Variants in TMEM130 observed in about 807,000 individuals in gnomAD.
The protein encoded by TMEM130 is transmembrane protein 130.
In TMEM130, 37 loss-of-function variants were observed where a neutral mutation model predicts 42.9. The ratio of observed to expected loss-of-function variants is 0.86; its 90% confidence interval spans 0.66 to 1.13. The LOEUF is 1.13. TMEM130 is among the 50% of genes most tolerant of loss of function. The pLI is 0.00. For synonymous variants in TMEM130, 259 were observed against 237.7 expected, an observed-to-expected ratio of 1.09 and a Z score of -0.82; for missense variants, 545 against 562.6, an observed-to-expected ratio of 0.97 and a Z score of 0.32.
chr7:98,867,246 G>A (rs1170741979), intron 1 of TMEM130, among the ~76,000 whole-genome samples: 3 of 152,104 alleles, frequency 2.0e-5, no homozygotes, highest in East Asian at 3.9e-4. Flanking sequence ...GCTTTTCCAC[G>A]CAAACAGAGT....
intron 1 of TMEM130, among the ~76,000 whole-genome samples, chr7:98,868,481 G>C (rs60914761): frequency 0.016 from 2,440 of 152,300 alleles, 51 homozygotes; most frequent in African/African-American, 0.041. Context: ...CTTTCACACA[G>C]AATATGCAGA....
In TMEM130 at chr7:98,847,969, C is replaced by G. The variant is rs1169394557; in HGVS notation, c.*87G>C. On this transcript the variant is annotated 3_prime_UTR_variant, in exon 8 of 8. Coordinates refer to ENST00000339375, the MANE Select transcript of TMEM130 (RefSeq NM_152913.3). ...GCCAACAGCCCCACGCAAATGAACC[C>G]CTCCTGGTCAGTGGTGCACACCACC... The G allele has an allele frequency of 8.2e-6, 11 of 1,340,234 alleles. No individual in the cohort carries two copies. Among genetic ancestry groups the G allele is most frequent in the Admixed American group, 3.9e-5 (2 of 50,890 alleles). The allele number at this position is 1,340,234 out of a possible 1,614,324, so 83.0% of individuals were successfully genotyped here.
intron 3 of TMEM130, 77 bp downstream of exon 3, chr7:98,860,102 C>T (rs1229486735): frequency 2.4e-6 from 3 of 1,270,070 alleles, no homozygotes; most frequent in Non-Finnish European, 2.1e-6. Context: ...TGAAGAGATT[C>T]GGAGTACCCT....
At chr7:98,850,173 C>T (rs1404655678) in intron 6 of TMEM130, among the ~76,000 whole-genome samples, 9 of 147,920 alleles carry the variant, frequency 6.1e-5, no homozygotes, top group African/African-American at 1.5e-4. Context: ...ATCAGCTTCC[C>T]GAGTAGCATA....
At chr7:98,858,378 A>G (rs907063037) in intron 3 of TMEM130, among the ~76,000 whole-genome samples, 2 of 151,874 alleles carry the variant, frequency 1.3e-5, no homozygotes, top group Admixed American at 1.3e-4. Context: ...CCATCTCTAC[A>G]AAACATTTTA....
chr7:98,859,032 A>C (rs1794695669), intron 3 of TMEM130, among the ~76,000 whole-genome samples: 1 of 146,236 alleles, frequency 6.8e-6, no homozygotes, highest in African/African-American at 2.5e-5. Context: ...GAAGGAAGGA[A>C]GGAAGAAAGG....
intron 5 of TMEM130, among the ~76,000 whole-genome samples, chr7:98,854,240 T>A (rs781784833): frequency 6.6e-6 from 1 of 151,928 alleles, no homozygotes; most frequent in Non-Finnish European, 1.5e-5. Flanking sequence ...TCCAAGGGGC[T>A]TAGAAGAATA....
chr7:98,853,890 T>G (rs1307932101), intron 5 of TMEM130, among the ~76,000 whole-genome samples: 1 of 152,204 alleles, frequency 6.6e-6, no homozygotes, highest in Admixed American at 6.5e-5. Flanking sequence ...CACAGAATCC[T>G]TGGAAATCTT....
chr7:98,858,892 G>A lies in TMEM130; in HGVS notation c.551+1287C>T, dbSNP rs1011536991. ...GAAATCCACATTCTGAGTTTTGCTG[G>A]GCACAGTGGCTCACCCCTGTAATCC... is the stretch of plus-strand genomic sequence containing the variant. On this transcript the variant is annotated intron_variant, in intron 3 of 7. Transcript: ENST00000339375. Among the ~76,000 whole-genome samples, 3 of 150,376 alleles carry A rather than the reference G, an allele frequency of 2.0e-5. No homozygotes were observed. The South Asian group carries it at 6.4e-4, about 32-fold the overall frequency.
chr7:98,860,723 T>C (rs1794752269), intron 2 of TMEM130, among the ~76,000 whole-genome samples: 1 of 151,590 alleles, frequency 6.6e-6, no homozygotes, highest in Non-Finnish European at 1.5e-5. Context: ...GGTTGGTGGA[T>C]CACAAGGTCA....
At chr7:98,859,513 AC>A (rs1349190197) in intron 3 of TMEM130, among the ~76,000 whole-genome samples, 2 of 151,944 alleles carry the variant, frequency 1.3e-5, no homozygotes, top group Non-Finnish European at 2.9e-5. Context: ...GTTCTCCGGG[AC>A]CCCCAGTCGT....
At chr7:98,851,987 C>T (rs1794518725) in intron 5 of TMEM130, among the ~76,000 whole-genome samples, 1 of 152,152 alleles carries the variant, frequency 6.6e-6, no homozygotes, top group Non-Finnish European at 1.5e-5. Context: ...CACTCTATTA[C>T]CCAGGCTGAA....
chr7:98,863,149 C>T lies in TMEM130; in HGVS notation c.337G>A (p.Asp113Asn), dbSNP rs1554400082. The change falls in exon 2 of 8, where the codon GAC becomes AAC. Residue 113 changes from aspartate (D) to asparagine (N), a missense_variant. Asp to Asn is a conservative substitution (Grantham distance 23). Coordinates refer to ENST00000339375, the MANE Select transcript of TMEM130 (RefSeq NM_152913.3). ...FPVSVWVTAA[D>N]CWMCQPVARG... ...GCCACAGGCTGGCACATCCAGCAGT[C>T]AGCGGCAGTGACCCAGACAGAGACC... is the stretch of plus-strand genomic sequence containing the variant. 3 of 1,614,056 alleles carry T rather than the reference C, an allele frequency of 1.9e-6. No homozygotes were observed. Among genetic ancestry groups the T allele is most frequent in the South Asian group, 1.1e-5 (1 of 91,082 alleles).
At chr7:98,850,274 T>TATATATATATATA (rs1491493786) in intron 6 of TMEM130, among the ~76,000 whole-genome samples, 6 of 31,220 alleles carry the variant, frequency 1.9e-4, no homozygotes, top group African/African-American at 4.7e-4. Flanking sequence ...TATATATATA[T>TATATATATATATA]TTTTTTTTTT....
At chr7:98,866,431 C>T (rs1230289534) in intron 1 of TMEM130, 1 of 152,258 alleles carries the variant, frequency 6.6e-6, no homozygotes, top group African/African-American at 2.4e-5. Context: ...ATCCCGTGTT[C>T]CCTGGGGGCT....
At position 98,857,723 on chromosome 7, in the gene TMEM130, CTT is replaced by C. The variant is rs781912154; in HGVS notation, c.552-1542_552-1541del. ...TCAAAAACAGAAACAAAAACACATC[CTT>C]TTTTTTTTTTTTTTTTTGAGAGGGA... On this transcript the variant is annotated intron_variant, in intron 3 of 7. Coordinates refer to ENST00000339375, the MANE Select transcript of TMEM130 (RefSeq NM_152913.3). Among the ~76,000 whole-genome samples, 387 of 82,228 alleles carry C rather than the reference CTT, an allele frequency of 4.7e-3. 2 individuals are homozygous for C. Among genetic ancestry groups the C allele is most frequent in the African/African-American group, 0.011 (220 of 20,812 alleles). 53.9% of individuals were successfully genotyped at this position (82,228 alleles called of 152,430 possible).
At chr7:98,867,906 A>G (rs1329589650) in intron 1 of TMEM130, among the ~76,000 whole-genome samples, 1 of 152,184 alleles carries the variant, frequency 6.6e-6, no homozygotes, top group Admixed American at 6.5e-5. Context: ...GAAGGAACCA[A>G]TCACAGGGCC....
intron 4 of TMEM130, 97 bp downstream of exon 4, chr7:98,855,920 G>A: frequency 1.4e-6 from 2 of 1,385,040 alleles, no homozygotes; most frequent in Non-Finnish European, 1.9e-6. Context: ...GGCTCCAGAA[G>A]ACAGGGCGTG....
At chr7:98,849,308 C>A (rs1554397872) in intron 6 of TMEM130, among the ~76,000 whole-genome samples, 2 of 152,132 alleles carry the variant, frequency 1.3e-5, no homozygotes, top group Admixed American at 1.3e-4. Flanking sequence ...TGCAAGACTG[C>A]TAAGGAGATG....
Sources: gnomAD v4.1 joint callset for allele counts (sites outside exome capture counted in the v4.1 genomes callset) on GRCh38, gnomAD v4.1.1 for gene constraint, MANE v1.5 for transcripts, NCBI Gene and HGNC (gene_info 2026-07-23, HGNC 2026-07-21) for gene names.